The following TAPT1 variants were observed in gnomAD, a reference collection of about 807,000 sequenced individuals.
TAPT1 encodes the protein transmembrane anterior posterior transformation protein 1 homolog.
In TAPT1, 28 loss-of-function variants were observed where a neutral mutation model predicts 65.6. The observed-to-expected ratio is 0.43, with a 90% CI of 0.32 to 0.59. The LOEUF (loss-of-function observed/expected upper bound fraction) is 0.59. Ranked by LOEUF, TAPT1 falls within the 20% of genes least tolerant of loss-of-function variation. The pLI is 0.09. For synonymous variants in TAPT1, 278 were observed against 245.2 expected, an observed-to-expected ratio of 1.13 and a Z score of -1.25; for missense variants, 563 against 679.9, an observed-to-expected ratio of 0.83 and a Z score of 1.91.
At chr4:16,206,512 A>G (rs1289928662) in intron 2 of TAPT1, among the ~76,000 whole-genome samples, 1 of 151,980 alleles carries the variant, frequency 6.6e-6, no homozygotes, top group Admixed American at 6.6e-5. Context: ...TCAGGGTCCC[A>G]GGGCAAGACT....
At position 16,161,505 on chromosome 4, in the gene TAPT1, A is replaced by C. The variant is rs1367688637; in HGVS notation, c.*1803T>G. 1 of 152,650 alleles carries C rather than the reference A, an allele frequency of 6.6e-6. No homozygotes were observed. Among genetic ancestry groups the C allele is most frequent in the African/African-American group, 2.4e-5 (1 of 41,456 alleles). 9.5% of individuals were successfully genotyped at this position (152,650 alleles called of 1,614,324 possible). ...CTATCCAAACCATGTTCCTGCTCTG[A>C]AATCAGGGTTGTGTTTGGCAAAGCT... On this transcript the variant is annotated 3_prime_UTR_variant, in exon 14 of 14. Transcript: ENST00000405303.
intron 7 of TAPT1, among the ~76,000 whole-genome samples, chr4:16,180,543 C>G (rs1204154601): frequency 2.0e-5 from 3 of 152,188 alleles, no homozygotes; most frequent in Non-Finnish European, 1.5e-5. Flanking sequence ...GCAAGCCTCA[C>G]CCATATCATT....
intron 2 of TAPT1, among the ~76,000 whole-genome samples, chr4:16,203,241 C>A (rs1436786659): frequency 6.6e-6 from 1 of 152,200 alleles, no homozygotes; most frequent in Non-Finnish European, 1.5e-5. Flanking sequence ...ACAAACTCAG[C>A]TACTCATTTT....
intron 3 of TAPT1, among the ~76,000 whole-genome samples, chr4:16,197,150 T>C (rs561412135): frequency 1.3e-5 from 2 of 152,298 alleles, no homozygotes; most frequent in South Asian, 2.1e-4. Context: ...AGCTCTCCCA[T>C]GGGATAAACT....
intron 12 of TAPT1, among the ~76,000 whole-genome samples, chr4:16,168,402 C>G (rs1251257736): frequency 6.6e-6 from 1 of 152,206 alleles, no homozygotes; most frequent in Non-Finnish European, 1.5e-5. Flanking sequence ...AGCCACCATG[C>G]CATCTTCTGC....
intron 7 of TAPT1, among the ~76,000 whole-genome samples, chr4:16,180,717 C>A (rs923437414): frequency 3.3e-5 from 5 of 152,140 alleles, no homozygotes; most frequent in Non-Finnish European, 7.4e-5. Flanking sequence ...TCTCTGTAAG[C>A]GAGTTGGCCT....
rs185934636 is a variant in TAPT1 at position 16,175,667 on chromosome 4, T to C, written c.1107+452A>G. 6.6e-5 allele frequency among the ~76,000 whole-genome samples: 10 copies of C among 152,274 alleles called. No homozygotes were observed. The East Asian group carries it at 1.9e-3, about 29-fold the overall frequency. On this transcript the variant is annotated intron_variant, in intron 9 of 13. Transcript: ENST00000405303. The stretch of plus-strand genomic sequence containing the variant: ...GAACATAAAACAAATTTCTCAAAGT[T>C]TAAACACTTTCACCAGAAAAATGTA...
At chr4:16,205,733 A>T (rs1750305166) in intron 2 of TAPT1, among the ~76,000 whole-genome samples, 1 of 152,048 alleles carries the variant, frequency 6.6e-6, no homozygotes, top group Non-Finnish European at 1.5e-5. Flanking sequence ...CAAACCAAGG[A>T]AAGAGCATGC....
At chr4:16,213,739 G>T in intron 2 of TAPT1, 29 bp downstream of exon 2, 1 of 1,515,114 alleles carries the variant, frequency 6.6e-7, no homozygotes, top group East Asian at 2.4e-5. Flanking sequence ...CTTTCAAAAT[G>T]ATGTCTGGTA....
chr4:16,188,627 G>T (rs964527554), intron 4 of TAPT1, among the ~76,000 whole-genome samples: 4 of 152,026 alleles, frequency 2.6e-5, no homozygotes, highest in Non-Finnish European at 5.9e-5. Flanking sequence ...AATAAAAGGG[G>T]TGGGCACATC....
intron 3 of TAPT1, chr4:16,196,564 C>G (rs77587689): frequency 2.5e-5 from 13 of 522,316 alleles, no homozygotes; most frequent in Non-Finnish European, 4.1e-5. Flanking sequence ...GTTTCTACCC[C>G]CTAATGGCTA....
rs1431962895 is a variant in TAPT1 at position 16,160,926 on chromosome 4, T to C, written c.*2382A>G. On this transcript the variant is annotated 3_prime_UTR_variant, in exon 14 of 14. Transcript: ENST00000405303. ...AAGCGTATCAGTGACACTTGGTCTT[T>C]ACACTTATTCTAAAGGAAAACCTAA... is the stretch of plus-strand genomic sequence containing the variant. The C allele has an allele frequency of 6.6e-6, 1 of 152,644 alleles. No homozygotes were observed. The highest frequency in any genetic ancestry group is 1.5e-5 in the Non-Finnish European group (1 of 68,040). 9.5% of individuals were successfully genotyped at this position (152,644 alleles called of 1,614,324 possible).
At chr4:16,179,863 C>T (rs1748609226) in intron 7 of TAPT1, among the ~76,000 whole-genome samples, 1 of 151,456 alleles carries the variant, frequency 6.6e-6, no homozygotes, top group Admixed American at 6.6e-5. Flanking sequence ...AAGCCATTGA[C>T]TTCTTTTGCC....
In TAPT1 at chr4:16,213,787, A is replaced by G; in HGVS notation, c.311T>C (p.Ile104Thr). Residue 104 changes from isoleucine (I) to threonine (T), a missense_variant, in exon 2 of 14, where the codon ATA becomes ACA. Physicochemically the swap from Ile to Thr is moderately conservative, Grantham distance 89. This residue lies in a region of TAPT1 where 217 missense variants were observed against 317.5 expected (regional missense o/e 0.68). Transcript: ENST00000405303. ...TAGTACCTTTTCCAATTCTCTTGGT[A>G]TTCGCAAACAAGTGTATACTCTTTC... Reference protein sequence around the residue: ...RRERVYTCLRIPRELEKLMVF... With the variant: ...RRERVYTCLRTPRELEKLMVF... 6.4e-7 allele frequency: 1 copy of G among 1,570,394 alleles called. No individual in the cohort carries two copies. The highest frequency in any genetic ancestry group is 1.2e-5 in the South Asian group (1 of 83,282).
Position 16,166,747 on chromosome 4 carries a change from A to G in TAPT1, c.1360T>C (p.Ser454Pro). 6.2e-7 allele frequency: 1 copy of G among 1,613,918 alleles called. No homozygotes were observed. The highest frequency in any genetic ancestry group is 8.5e-7 in the Non-Finnish European group (1 of 1,179,886). The stretch of plus-strand genomic sequence containing the variant: ...TTGGCTTCCTTCACATACTGGCACG[A>G]TTTCCCCAACAGCACGATGCTATTA... ...VLNSIVLLGKSCQYVKEAKME... is the reference protein window; with the variant it reads ...VLNSIVLLGKPCQYVKEAKME... The change falls in exon 13 of 14, where the codon TCG becomes CCG. Residue 454 changes from serine to proline, a missense_variant. By Grantham distance (74) the Ser-to-Pro change is moderately conservative. Around this residue, in one of 5 missense-constraint regions of TAPT1, gnomAD observed 136 missense variants for 153.9 expected, o/e 0.88. Coordinates refer to ENST00000405303, the MANE Select transcript of TAPT1 (RefSeq NM_153365.3).
chr4:16,226,906 C>A (rs758818719), upstream of TAPT1: 116 of 324,320 alleles, frequency 3.6e-4, no homozygotes, highest in African/African-American at 2.5e-3. Context: ...TGCGAGGTGT[C>A]CGGCGGTCCG....
rs753752765 is a variant in TAPT1, at chr4:16,188,375, G to A, written c.613-20C>T. The A allele has an allele frequency of 1.6e-5, 24 of 1,516,044 alleles. 1 individual carries two copies. The highest frequency in any genetic ancestry group is 1.8e-4 in the Middle Eastern group (1 of 5,682). 93.9% of individuals were successfully genotyped at this position (1,516,044 alleles called of 1,614,324 possible). A position where few individuals can be genotyped will look rare whatever the true frequency, so the allele number is the denominator to read the frequency against. ...AGCTACCTAAAAAAAAAAATTATTT[G>A]TAAGATGTTTCTTAATATTCCATTT... On this transcript the variant is annotated intron_variant, in intron 4 of 13. Coordinates refer to ENST00000405303, the MANE Select transcript of TAPT1 (RefSeq NM_153365.3).
chr4:16,191,642 T>C, intron 3 of TAPT1, 119 bp from the exon 4 acceptor site: 1 of 1,114,038 alleles, frequency 9.0e-7, no homozygotes, highest in Non-Finnish European at 1.2e-6. Flanking sequence ...TATGTTGATC[T>C]TTTAAAAACT....
chr4:16,214,921 G>T (rs1015104388), intron 1 of TAPT1, among the ~76,000 whole-genome samples: 34 of 152,166 alleles, frequency 2.2e-4, no homozygotes, highest in African/African-American at 7.2e-4. Flanking sequence ...CATTTATGCA[G>T]ATCTACTTAA....
Sources: allele counts gnomAD v4.1 joint callset (sites outside exome capture counted in the v4.1 genomes callset), GRCh38; gene constraint gnomAD v4.1.1; regional missense constraint gnomAD v4.1.1; transcripts MANE v1.5; gene names NCBI Gene and HGNC (gene_info 2026-07-23, HGNC 2026-07-21).